FBXO31: variants seen among roughly 807,000 people sequenced by gnomAD.
FBXO31 encodes the protein F-box protein 31.
In FBXO31, 24 loss-of-function variants were observed where a neutral mutation model predicts 54.4. The observed-to-expected ratio is 0.44, with a 90% CI of 0.32 to 0.62. FBXO31 has a LOEUF of 0.62. Ranked by LOEUF, FBXO31 falls within the 20% of genes least tolerant of loss-of-function variation. The pLI is 0.05. For synonymous variants in FBXO31, 388 were observed against 335.6 expected (o/e 1.16, Z -1.71); for missense variants, 665 against 787.1 (o/e 0.84, Z 1.86).
At chr16:87,344,889 C>G (rs1373859742) in intron 3 of FBXO31, among the ~76,000 whole-genome samples, 1 of 148,222 alleles carries the variant, frequency 6.7e-6, no homozygotes, top group African/African-American at 2.5e-5. Context: ...CAAACCCCAC[C>G]TCCGGCAGCG....
intron 2 of FBXO31, among the ~76,000 whole-genome samples, chr16:87,349,863 C>T (rs189031309): frequency 2.3e-4 from 35 of 151,430 alleles, no homozygotes; most frequent in Admixed American, 9.9e-4. Flanking sequence ...GAGCTATGAT[C>T]GTGCCACTGC....
At chr16:87,378,579 G>C (rs1398773071) in intron 1 of FBXO31, among the ~76,000 whole-genome samples, 1 of 152,178 alleles carries the variant, frequency 6.6e-6, no homozygotes, top group African/African-American at 2.4e-5. Context: ...AAATCACTCT[G>C]GGAAGCACCT....
chr16:87,373,661 G>T (rs1417310396), intron 1 of FBXO31, among the ~76,000 whole-genome samples: 1 of 151,838 alleles, frequency 6.6e-6, no homozygotes, highest in African/African-American at 2.4e-5. Flanking sequence ...GCCTCCGGAG[G>T]AACTGGGACT....
At chr16:87,361,178 G>C (rs1235492818) in intron 1 of FBXO31, among the ~76,000 whole-genome samples, 1 of 152,256 alleles carries the variant, frequency 6.6e-6, no homozygotes, top group Non-Finnish European at 1.5e-5. Flanking sequence ...TCCACGTGCT[G>C]TGTACCATGC....
rs1647922628 is a variant in FBXO31, at chr16:87,358,880, C to A, written c.412+1415G>T. Among the ~76,000 whole-genome samples the A allele has an allele frequency of 1.3e-5, 2 of 152,134 alleles. No individual in the cohort carries two copies. Among genetic ancestry groups the A allele is most frequent in the South Asian group, 4.1e-4 (2 of 4,828 alleles). On this transcript the variant is annotated intron_variant, in intron 2 of 8. Transcript: ENST00000311635. The surrounding 1 kb of genome is among the most constrained non-coding windows in gnomAD (Gnocchi z 4.0). Reference sequence around the variant, plus strand: ...GGGATGACCGTCTAGAGAACACTTACCCCGGCTAACATACTCACTTTGCCC... The same window carrying A: ...GGGATGACCGTCTAGAGAACACTTAACCCGGCTAACATACTCACTTTGCCC...
At chr16:87,348,863 C>G (rs1353414376) in intron 2 of FBXO31, among the ~76,000 whole-genome samples, 7 of 152,194 alleles carry the variant, frequency 4.6e-5, no homozygotes, top group African/African-American at 7.2e-5. Flanking sequence ...ACCCTGGATC[C>G]CGCAGAACAA....
At chr16:87,349,259 G>A (rs576771994) in intron 2 of FBXO31, among the ~76,000 whole-genome samples, 5 of 152,302 alleles carry the variant, frequency 3.3e-5, no homozygotes, top group Non-Finnish European at 7.4e-5. Flanking sequence ...CTATGAAAAT[G>A]AACTATTCTA....
At chr16:87,378,683 T>C (rs1308626299) in intron 1 of FBXO31, among the ~76,000 whole-genome samples, 1 of 152,152 alleles carries the variant, frequency 6.6e-6, no homozygotes, top group African/African-American at 2.4e-5. Context: ...GCATCCTGGC[T>C]GGGCGCGGTG....
In FBXO31 at chr16:87,335,379, A is replaced by G. The variant is rs1294359731; in HGVS notation, c.921T>C (p.Gly307=). The change falls in exon 7 of 9, where the codon GGT becomes GGC. Residue 307 remains glycine (G), a synonymous_variant. Transcript: ENST00000311635. The surrounding 1 kb of genome is among the most constrained non-coding windows in gnomAD (Gnocchi z 5.7). ...TCTCCAGGCCGTGGCTGCCATAGGTACCTTTGAAGAGGCCAGGCTTGATGA... is the reference window on the plus strand; with the variant it reads ...TCTCCAGGCCGTGGCTGCCATAGGTGCCTTTGAAGAGGCCAGGCTTGATGA... ...DDLIKPGLFK[G]TYGSHGLEIV... is the part of the protein sequence containing the mutation. The G allele has an allele frequency of 1.2e-6, 2 of 1,613,868 alleles. No individual in the cohort carries two copies. Among genetic ancestry groups the G allele is most frequent in the African/African-American group, 2.7e-5 (2 of 74,936 alleles).
upstream of FBXO31, chr16:87,383,872 C>T: frequency 4.6e-6 from 3 of 652,266 alleles, no homozygotes; most frequent in African/African-American, 5.8e-5. The surrounding 1 kb of genome is among the most constrained non-coding windows in gnomAD (Gnocchi z 4.9). Flanking sequence ...CCCGCCCCTA[C>T]GTAGAGCTCC....
intron 1 of FBXO31, among the ~76,000 whole-genome samples, chr16:87,365,035 A>ATATATATATATATATATATATATATATC (rs1567482806): frequency 1.9e-5 from 2 of 104,224 alleles, no homozygotes; most frequent in Non-Finnish European, 4.1e-5. Flanking sequence ...ATATATATAT[A>ATATATATATATATATATATATATATATC]TATATCAGGC....
intron 5 of FBXO31, among the ~76,000 whole-genome samples, chr16:87,341,991 G>A (rs899084550): frequency 5.3e-5 from 8 of 151,782 alleles, no homozygotes; most frequent in South Asian, 4.2e-4. Context: ...GTGGGAAGAC[G>A]GCTTGAGCCC....
intron 1 of FBXO31, chr16:87,367,525 C>T (rs1266834739): frequency 6.6e-6 from 1 of 152,224 alleles, no homozygotes; most frequent in African/African-American, 2.4e-5. Context: ...TCCATAAGTA[C>T]TTTATCCTCT....
upstream of FBXO31, among the ~76,000 whole-genome samples, chr16:87,385,591 A>C (rs1377285874): frequency 6.6e-6 from 1 of 152,274 alleles, no homozygotes; most frequent in Non-Finnish European, 1.5e-5. Flanking sequence ...AAAACTAACA[A>C]GATCTTATAG....
At chr16:87,351,290 G>A (rs1048040903) in intron 2 of FBXO31, among the ~76,000 whole-genome samples, 8 of 152,200 alleles carry the variant, frequency 5.3e-5, no homozygotes, top group Admixed American at 6.5e-5. Context: ...GGACACGTAC[G>A]AGTGTGAGCG....
intron 2 of FBXO31, among the ~76,000 whole-genome samples, chr16:87,351,953 C>T (rs773643500): frequency 5.3e-5 from 8 of 152,264 alleles, no homozygotes; most frequent in Non-Finnish European, 1.2e-4. Context: ...CCTGACTGCG[C>T]GTCAGAATCA....
chr16:87,373,472 T>C (rs994534390), intron 1 of FBXO31, among the ~76,000 whole-genome samples: 2 of 151,722 alleles, frequency 1.3e-5, no homozygotes, highest in East Asian at 3.9e-4. Flanking sequence ...ATTATATATA[T>C]ACATATATAC....
chr16:87,353,132 A>ACTCCCCGCCTTGTCCAG (rs1905738502), intron 2 of FBXO31, among the ~76,000 whole-genome samples: 1 of 151,538 alleles, frequency 6.6e-6, no homozygotes. Flanking sequence ...GCAGGGGTCC[A>ACTCCCCGCCTTGTCCAG]CTCCCCGCCT....
chr16:87,344,407 G>A (rs1905293759), intron 3 of FBXO31, among the ~76,000 whole-genome samples: 1 of 152,240 alleles, frequency 6.6e-6, no homozygotes, highest in African/African-American at 2.4e-5. Flanking sequence ...TGCAAATGCA[G>A]AGGCGGGTGG....
Sources: allele counts gnomAD v4.1 joint callset (sites outside exome capture counted in the v4.1 genomes callset), GRCh38; gene constraint gnomAD v4.1.1; non-coding constraint Gnocchi (gnomAD v3.1); transcripts MANE v1.5; gene names NCBI Gene and HGNC (gene_info 2026-07-23, HGNC 2026-07-21).